Variants in MAML2 observed in about 807,000 individuals in gnomAD.
The protein encoded by MAML2 is mastermind-like protein 2.
Under a neutral mutation model 96.1 loss-of-function variants are expected in MAML2, and 22 were observed. The observed-to-expected ratio is 0.23, with a 90% CI of 0.16 to 0.33. The LOEUF (loss-of-function observed/expected upper bound fraction) is 0.33, where lower values mean the gene tolerates loss of function less well. MAML2 is among the 10% of genes least tolerant of loss of function. The pLI, the probability that MAML2 is intolerant of heterozygous loss-of-function variation, is 1.00. For synonymous variants in MAML2, 561 were observed against 521.3 expected (o/e 1.08, Z -1.04); for missense variants, 1,367 against 1,392.4 (o/e 0.98, Z 0.29).
intron 1 of MAML2, among the ~76,000 whole-genome samples, chr11:96,195,223 T>C (rs562470630): frequency 6.6e-6 from 1 of 152,294 alleles, no homozygotes; most frequent in South Asian, 2.1e-4. Context: ...AGAAAAACAG[T>C]GTCACTCTCT....
At chr11:96,062,767 C>T (rs904589757) in intron 2 of MAML2, among the ~76,000 whole-genome samples, 3 of 152,116 alleles carry the variant, frequency 2.0e-5, no homozygotes, top group Non-Finnish European at 4.4e-5. Flanking sequence ...TGGTCACTCC[C>T]TTTTTAAAAA....
intron 2 of MAML2, among the ~76,000 whole-genome samples, chr11:96,032,462 C>T (rs1056909337): frequency 2.6e-5 from 4 of 151,774 alleles, no homozygotes; most frequent in South Asian, 2.1e-4. Context: ...TGGCAGGTGC[C>T]GGCAATCCCA....
At chr11:96,227,149 A>G (rs1001426326) in intron 1 of MAML2, among the ~76,000 whole-genome samples, 4 of 152,202 alleles carry the variant, frequency 2.6e-5, no homozygotes, top group African/African-American at 9.6e-5. Context: ...TTAATCCTTC[A>G]GATCTGAAAG....
At chr11:96,254,710 T>A (rs1241979028) in intron 1 of MAML2, among the ~76,000 whole-genome samples, 1 of 152,210 alleles carries the variant, frequency 6.6e-6, no homozygotes, top group Non-Finnish European at 1.5e-5. Context: ...GAATTAAAAG[T>A]CGTTCCAGAG....
At chr11:96,062,954 T>C (rs556413463) in intron 2 of MAML2, among the ~76,000 whole-genome samples, 5 of 152,254 alleles carry the variant, frequency 3.3e-5, no homozygotes, top group East Asian at 3.9e-4. Context: ...CCCAACCTAA[T>C]AACAGCTTTT....
intron 1 of MAML2, among the ~76,000 whole-genome samples, chr11:96,323,483 G>A (rs1236938837): frequency 6.9e-5 from 10 of 144,746 alleles, no homozygotes; most frequent in African/African-American, 7.6e-5. Context: ...ACAAAATGCT[G>A]AAAAAAAAAA....
chr11:96,183,342 T>C (rs1861518243), intron 1 of MAML2, among the ~76,000 whole-genome samples: 1 of 151,466 alleles, frequency 6.6e-6, no homozygotes, highest in Admixed American at 6.6e-5. Flanking sequence ...TTTTTATTTC[T>C]TTTTTCTTCC....
intron 1 of MAML2, among the ~76,000 whole-genome samples, chr11:96,175,791 G>T (rs1396055108): frequency 6.6e-6 from 1 of 151,950 alleles, no homozygotes; most frequent in South Asian, 2.1e-4. Flanking sequence ...TAGTACAGAC[G>T]GGGTTTCACC....
chr11:96,021,250 A>G (rs560772889), intron 2 of MAML2, among the ~76,000 whole-genome samples: 1 of 152,296 alleles, frequency 6.6e-6, no homozygotes, highest in East Asian at 1.9e-4. Context: ...GAAGGACTGT[A>G]TCTGGTCACC....
At chr11:96,245,774 G>A (rs559002594) in intron 1 of MAML2, among the ~76,000 whole-genome samples, 31 of 149,030 alleles carry the variant, frequency 2.1e-4, no homozygotes, top group East Asian at 3.9e-4. Flanking sequence ...GTGCGATCTC[G>A]GCTCACTGCA....
At chr11:95,995,352 CAGTT>C (rs775240023) in intron 2 of MAML2, among the ~76,000 whole-genome samples, 6 of 152,132 alleles carry the variant, frequency 3.9e-5, no homozygotes, top group Non-Finnish European at 8.8e-5. Context: ...TCTTTCTTCT[CAGTT>C]AGGGGCTTAG....
chr11:96,296,509 G>T (rs1209670954), intron 1 of MAML2, among the ~76,000 whole-genome samples: 1 of 152,112 alleles, frequency 6.6e-6, no homozygotes, highest in East Asian at 1.9e-4. Context: ...TGGGTGTGGT[G>T]GTGCATGCCT....
chr11:96,254,408 T>TTG (rs1491060565), intron 1 of MAML2, among the ~76,000 whole-genome samples: 1 of 144,012 alleles, frequency 6.9e-6, no homozygotes, highest in African/African-American at 2.7e-5. Flanking sequence ...TTTTTTTTTT[T>TTG]GAACATGTAA....
chr11:96,247,809 T>C (rs940386922), intron 1 of MAML2, among the ~76,000 whole-genome samples: 1 of 152,186 alleles, frequency 6.6e-6, no homozygotes, highest in Non-Finnish European at 1.5e-5. Flanking sequence ...TCCCAGTTGC[T>C]GGATGAACTT....
intron 2 of MAML2, among the ~76,000 whole-genome samples, chr11:96,047,930 A>AAAAAAAAAAAAAAAAAAAAAAAAG (rs1555001442): frequency 7.8e-6 from 1 of 127,400 alleles, no homozygotes; most frequent in Non-Finnish European, 1.6e-5. Context: ...AAAAAAAAAA[A>AAAAAAAAAAAAAAAAAAAAAAAAG]AAAAGAAAAA....
intron 1 of MAML2, among the ~76,000 whole-genome samples, chr11:96,279,418 TGA>T (rs1441349161): frequency 6.6e-6 from 1 of 152,226 alleles, no homozygotes; most frequent in African/African-American, 2.4e-5. Context: ...GTCCTTATGA[TGA>T]CCTTTTGTTC....
intron 1 of MAML2, among the ~76,000 whole-genome samples, chr11:96,105,067 A>G (rs1385093244): frequency 6.6e-6 from 1 of 152,228 alleles, no homozygotes; most frequent in Non-Finnish European, 1.5e-5. Context: ...ATCACACTCA[A>G]TAAAGTTTTC....
chr11:96,119,756 T>C (rs1057211793), intron 1 of MAML2, among the ~76,000 whole-genome samples: 1 of 152,182 alleles, frequency 6.6e-6, no homozygotes, highest in Non-Finnish European at 1.5e-5. Context: ...CCACACACCC[T>C]CTTTTCTATC....
At chr11:96,100,569 C>T (rs1859910359) in intron 1 of MAML2, among the ~76,000 whole-genome samples, 1 of 152,012 alleles carries the variant, frequency 6.6e-6, no homozygotes, top group African/African-American at 2.4e-5. Flanking sequence ...ATCGGCCTCC[C>T]AAAGTGCTGG....
Sources: gnomAD v4.1 joint callset for allele counts (sites outside exome capture counted in the v4.1 genomes callset) on GRCh38, gnomAD v4.1.1 for gene constraint, MANE v1.5 for transcripts, NCBI Gene and HGNC (gene_info 2026-07-23, HGNC 2026-07-21) for gene names.